IRAK2: variants seen among roughly 807,000 people sequenced by gnomAD.
The protein encoded by IRAK2 is interleukin 1 receptor associated kinase 2.
Under a neutral mutation model 72.0 loss-of-function variants are expected in IRAK2, and 57 were observed. That is an observed-to-expected ratio of 0.79 (90% confidence interval 0.64 to 0.99). The LOEUF (loss-of-function observed/expected upper bound fraction) is 0.99. IRAK2 is among the 50% of genes least tolerant of loss of function. The pLI, the probability that IRAK2 is intolerant of heterozygous loss-of-function variation, is 0.00. For missense variants in IRAK2, 790 were observed against 794.4 expected (o/e 0.99, Z 0.07); for synonymous variants, 293 against 312.7 (o/e 0.94, Z 0.67).
intron 1 of IRAK2, among the ~76,000 whole-genome samples, chr3:10,174,335 G>A (rs950141882): frequency 2.0e-5 from 3 of 151,994 alleles, no homozygotes; most frequent in Admixed American, 2.0e-4. Context: ...AAAGGGTAGG[G>A]GATTGTGCAA....
intron 1 of IRAK2, among the ~76,000 whole-genome samples, 166 bp downstream of exon 1, chr3:10,165,214 T>C (rs1278176845): frequency 1.3e-5 from 2 of 152,174 alleles, no homozygotes; most frequent in African/African-American, 4.8e-5. Context: ...CCTCGGCCTG[T>C]CACCTGAAGG....
intron 2 of IRAK2, among the ~76,000 whole-genome samples, chr3:10,178,842 G>A (rs1696918247): frequency 6.6e-6 from 1 of 152,112 alleles, no homozygotes; most frequent in Admixed American, 6.6e-5. Flanking sequence ...GTGCTCTGCT[G>A]CCCAGGCTGG....
chr3:10,240,147 CAAA>C (rs34730585), intron 12 of IRAK2, among the ~76,000 whole-genome samples: 1 of 132,712 alleles, frequency 7.5e-6, no homozygotes. Flanking sequence ...GACTCCGTCT[CAAA>C]AAAAAAAAAA....
In IRAK2 at chr3:10,240,537, GCCCCCCCCCC is replaced by G. The variant is rs781428702; in HGVS notation, c.1765+1507_1765+1516del. Among the ~76,000 whole-genome samples, 8 of 9,142 alleles carry G rather than the reference GCCCCCCCCCC, an allele frequency of 8.8e-4. 1 individual carries two copies. The highest frequency in any genetic ancestry group is 3.7e-3 in the African/African-American group (7 of 1,884). The allele number at this position is 9,142 out of a possible 152,430, so 6.0% of individuals were successfully genotyped here. ...TCTTTCTGAAATAAAAAATTAGGAA[GCCCCCCCCCC>G]CCCCCCCCGCCTTTTTTTTTTTTTG... On this transcript the variant is annotated intron_variant, in intron 12 of 12. Transcript: ENST00000256458.
chr3:10,238,977 T>C lies in IRAK2; in HGVS notation c.1703T>C (p.Ile568Thr). The change falls in exon 12 of 13, where the codon ATC (isoleucine) becomes ACC (threonine). Residue 568 changes from isoleucine to threonine, a missense_variant. Transcript: ENST00000256458. ...AATGGGGAAGGAAGGCTGCGGGTCA[T>C]CGTGGGAAGGGAGGCTGACTCCTCC... ...TENGEGRLRV[I>T]VGREADSSSE... 1.2e-6 allele frequency: 2 copies of C among 1,613,896 alleles called. No individual in the cohort carries two copies. Among genetic ancestry groups the C allele is most frequent in the African/African-American group, 1.3e-5 (1 of 75,028 alleles).
intron 10 of IRAK2, among the ~76,000 whole-genome samples, chr3:10,232,526 A>C (rs1377550121): frequency 6.6e-6 from 1 of 152,148 alleles, no homozygotes; most frequent in South Asian, 2.1e-4. Context: ...CGACTCCTCC[A>C]TGGTGAAGTT....
intron 2 of IRAK2, among the ~76,000 whole-genome samples, chr3:10,183,876 A>C (rs1389191990): frequency 1.3e-5 from 2 of 152,156 alleles, no homozygotes; most frequent in African/African-American, 2.4e-5. Context: ...GGGCTCCTCT[A>C]TTAGCCTTCC....
intron 2 of IRAK2, among the ~76,000 whole-genome samples, chr3:10,188,276 C>T (rs1697111480): frequency 1.3e-5 from 2 of 152,168 alleles, no homozygotes; most frequent in South Asian, 2.1e-4. Context: ...TCCCTCTGCC[C>T]TGCCACAGGG....
At chr3:10,227,762 G>A (rs531888382) in intron 10 of IRAK2, among the ~76,000 whole-genome samples, 60 of 151,084 alleles carry the variant, frequency 4.0e-4, no homozygotes, top group African/African-American at 1.3e-3. Context: ...TCCACCTCCC[G>A]GGTTCATGCC....
intron 8 of IRAK2, among the ~76,000 whole-genome samples, chr3:10,221,939 T>C (rs148004531): frequency 4.9e-4 from 74 of 151,776 alleles, no homozygotes; most frequent in African/African-American, 1.8e-3. Flanking sequence ...TTTGAGACAG[T>C]GTACCACTCT....
At chr3:10,166,065 G>A (rs774651850) in intron 1 of IRAK2, among the ~76,000 whole-genome samples, 6 of 152,052 alleles carry the variant, frequency 3.9e-5, no homozygotes, top group African/African-American at 1.4e-4. Flanking sequence ...CACCTGCTTC[G>A]GCCTCCCAAA....
intron 9 of IRAK2, among the ~76,000 whole-genome samples, chr3:10,225,090 C>A (rs1697754028): frequency 6.6e-6 from 1 of 151,940 alleles, no homozygotes; most frequent in African/African-American, 2.4e-5. Flanking sequence ...GCAGTGATGC[C>A]CTCTGCTGCC....
At chr3:10,172,096 T>C (rs1261952521) in intron 1 of IRAK2, among the ~76,000 whole-genome samples, 1 of 151,482 alleles carries the variant, frequency 6.6e-6, no homozygotes, top group Non-Finnish European at 1.5e-5. Flanking sequence ...ATTGGCCAGG[T>C]GCGGTGGCTC....
In IRAK2 at chr3:10,190,405, C is replaced by T. The variant is rs569064507; in HGVS notation, c.278-9964C>T. Among the ~76,000 whole-genome samples the T allele has an allele frequency of 1.3e-3, 196 of 151,188 alleles. 1 individual carries two copies. The highest frequency in any genetic ancestry group is 4.4e-3 in the African/African-American group (183 of 41,128). ...AAGCAATTATCCTGCCTCAGCCTCC[C>T]GAGTAGCTGGGACTACTGGCGCCCA... On this transcript the variant is annotated intron_variant, in intron 2 of 12. Transcript: ENST00000256458.
intron 9 of IRAK2, among the ~76,000 whole-genome samples, chr3:10,224,563 G>C (rs1437518340): frequency 2.1e-5 from 3 of 141,170 alleles, no homozygotes; most frequent in Non-Finnish European, 3.1e-5. Context: ...TATGATGACT[G>C]TGGTTATTGT....
At chr3:10,241,558 CAACAAAT>C (rs1194516496) in intron 12 of IRAK2, among the ~76,000 whole-genome samples, 1 of 60,996 alleles carries the variant, frequency 1.6e-5, no homozygotes, top group Non-Finnish European at 2.8e-5. Context: ...GACTCCATCT[CAACAAAT>C]GATAAATAAA....
In IRAK2 at chr3:10,181,764, T is replaced by C. The variant is rs145574542; in HGVS notation, c.277+3744T>C. On this transcript the variant is annotated intron_variant, in intron 2 of 12. Transcript: ENST00000256458. ...CAAAAAATACTTCTGCGAGGACATC[T>C]GCCCAGCAAATGCCTATCCGACCCT... 3.8e-3 allele frequency among the ~76,000 whole-genome samples: 572 copies of C among 152,270 alleles called. 2 individuals carry two copies. The highest frequency in any genetic ancestry group is 0.013 in the African/African-American group (543 of 41,556).
chr3:10,166,602 C>G (rs1696692253), intron 1 of IRAK2, among the ~76,000 whole-genome samples: 1 of 147,454 alleles, frequency 6.8e-6, no homozygotes, highest in African/African-American at 2.6e-5. Context: ...GCACTGACAC[C>G]TAAGTGTTAA....
chr3:10,203,625 A>C (rs1697396677), intron 3 of IRAK2, among the ~76,000 whole-genome samples: 1 of 151,926 alleles, frequency 6.6e-6, no homozygotes, highest in Non-Finnish European at 1.5e-5. Flanking sequence ...TGGAGGAGGA[A>C]AATATGTTTG....
Sources: allele counts gnomAD v4.1 joint callset (sites outside exome capture counted in the v4.1 genomes callset), GRCh38; gene constraint gnomAD v4.1.1; transcripts MANE v1.5; gene names NCBI Gene and HGNC (gene_info 2026-07-23, HGNC 2026-07-21).